Variants in PRKN observed in about 807,000 individuals in gnomAD.
PRKN encodes parkin RBR E3 ubiquitin protein ligase.
A neutral mutation model predicts 59.5 loss-of-function variants in PRKN; 56 were observed. That is an observed-to-expected ratio of 0.94 (90% CI 0.76 to 1.18). The LOEUF is 1.18. Ranked by LOEUF, PRKN falls within the 50% of genes most tolerant of loss-of-function variation. The probability of loss-of-function intolerance (pLI) is 0.00; values close to 1 mark genes in which losing one functional copy is unlikely to be tolerated. For synonymous variants in PRKN, 250 were observed against 222.1 expected, an observed-to-expected ratio of 1.13 and a Z score of -1.12; for missense variants, 657 against 596.4, an observed-to-expected ratio of 1.10 and a Z score of -1.06.
At chr6:162,270,960 G>A (rs1001725011) in intron 2 of PRKN, among the ~76,000 whole-genome samples, 1 of 150,308 alleles carries the variant, frequency 6.7e-6, no homozygotes, top group East Asian at 2.0e-4. Flanking sequence ...TCTTATGGCA[G>A]CCTCCTGAGT....
intron 4 of PRKN, among the ~76,000 whole-genome samples, chr6:162,186,909 T>C (rs990017888): frequency 1.1e-4 from 17 of 152,332 alleles, no homozygotes; most frequent in African/African-American, 3.4e-4. Context: ...ACTCCTTTTC[T>C]TTGAAAATTA....
chr6:161,536,202 A>C (rs1292873494), intron 9 of PRKN, among the ~76,000 whole-genome samples: 4 of 152,178 alleles, frequency 2.6e-5, no homozygotes, highest in African/African-American at 9.7e-5. Context: ...AACTGGCTTA[A>C]ATAGAAAGGA....
At chr6:162,125,186 A>G (rs955165) in intron 4 of PRKN, among the ~76,000 whole-genome samples, 7,234 of 152,260 alleles carry the variant, frequency 0.048, 255 homozygotes, top group Non-Finnish European at 0.073. Context: ...CGCTGCCAAC[A>G]TCGTGTAGCA....
intron 1 of PRKN, among the ~76,000 whole-genome samples, chr6:162,701,053 C>T (rs1160215470): frequency 2.0e-5 from 3 of 152,116 alleles, no homozygotes; most frequent in African/African-American, 7.2e-5. Context: ...TCTGGACTCC[C>T]TCTGAGATCA....
In PRKN at chr6:161,503,254, G is replaced by A. The variant is rs969849102; in HGVS notation, c.1083+45600C>T. Among the ~76,000 whole-genome samples, 3 of 151,980 alleles carry A rather than the reference G, an allele frequency of 2.0e-5. No individual in the cohort carries two copies. The highest frequency in any genetic ancestry group is 2.1e-4 in the South Asian group (1 of 4,814). ...AACGGGAGGGGGCTGCTGCTGTACC[G>A]TAGAGTCTTGATGAATTTATGGCTG... On this transcript the variant is annotated intron_variant, in intron 9 of 11. Coordinates refer to ENST00000366898, the MANE Select transcript of PRKN (RefSeq NM_004562.3). The surrounding 1 kb of genome is among the most constrained non-coding windows in gnomAD (Gnocchi z 5.1).
At chr6:162,202,649 A>G (rs539249955) in intron 3 of PRKN, among the ~76,000 whole-genome samples, 140 of 152,338 alleles carry the variant, frequency 9.2e-4, no homozygotes, top group African/African-American at 3.2e-3. Context: ...CTGTTAGCAA[A>G]CATAATAATG....
In PRKN at chr6:162,628,741, C is replaced by CA. The variant is rs552240714; in HGVS notation, c.7+98920dup. Among the ~76,000 whole-genome samples the CA allele has an allele frequency of 1.8e-3, 280 of 152,198 alleles. 3 individuals carry two copies. Among genetic ancestry groups the CA allele is most frequent in the African/African-American group, 6.6e-3 (273 of 41,554 alleles). On this transcript the variant is annotated intron_variant, in intron 1 of 11. Transcript: ENST00000366898. ...CTGGAATGATTGCATTATTTTCAAG[C>CA]ACTAGCTCAACCATAAGTGTATTCT...
intron 6 of PRKN, among the ~76,000 whole-genome samples, chr6:161,954,363 C>G (rs1430508735): frequency 2.0e-5 from 3 of 152,198 alleles, no homozygotes; most frequent in African/African-American, 7.2e-5. Flanking sequence ...TATGCCACAT[C>G]ACTGATGCCG....
At chr6:162,682,677 A>C (rs1008876044) in intron 1 of PRKN, among the ~76,000 whole-genome samples, 5 of 152,262 alleles carry the variant, frequency 3.3e-5, no homozygotes, top group African/African-American at 1.2e-4. Flanking sequence ...TGGGTCATGA[A>C]ATTATTTGTA....
intron 1 of PRKN, among the ~76,000 whole-genome samples, chr6:162,551,390 A>T (rs1263082894): frequency 6.6e-6 from 1 of 152,260 alleles, no homozygotes; most frequent in Non-Finnish European, 1.5e-5. Context: ...TATCATAAAC[A>T]AATAATGAGA....
intron 4 of PRKN, among the ~76,000 whole-genome samples, chr6:162,127,933 T>C (rs1259804091): frequency 6.6e-6 from 1 of 152,184 alleles, no homozygotes; most frequent in East Asian, 1.9e-4. Context: ...ACTCCTCACC[T>C]CTTCACACTA....
chr6:162,694,678 T>G (rs1777906814), intron 1 of PRKN: 1 of 152,240 alleles, frequency 6.6e-6, no homozygotes. Context: ...TAAGAAAGAA[T>G]CAGTAACTGA....
At chr6:161,973,274 G>C in intron 6 of PRKN, 28 bp downstream of exon 6, 2 of 1,401,882 alleles carry the variant, frequency 1.4e-6, no homozygotes, top group East Asian at 4.6e-5. Flanking sequence ...GTCCGTGGAG[G>C]GAAGTGACAC....
At chr6:162,406,898 CT>C (rs1161049309) in intron 2 of PRKN, among the ~76,000 whole-genome samples, 1 of 152,050 alleles carries the variant, frequency 6.6e-6, no homozygotes, top group East Asian at 1.9e-4. Flanking sequence ...TCTGGTATGG[CT>C]CTAGGAAGCT....
intron 5 of PRKN, among the ~76,000 whole-genome samples, chr6:162,033,623 G>C (rs1369765980): frequency 6.6e-6 from 1 of 152,146 alleles, no homozygotes; most frequent in Non-Finnish European, 1.5e-5. Context: ...TGGAAAGCCA[G>C]GTTCCTGAGT....
chr6:161,720,457 A>G lies in PRKN; in HGVS notation c.871+65315T>C, dbSNP rs576825759. On this transcript the variant is annotated intron_variant, in intron 7 of 11. Transcript: ENST00000366898. ...ACTGCAGGGTCTGCTCTGGAAGCAC[A>G]TCTGGAGGCACCGCAAACTCATCTG... Among the ~76,000 whole-genome samples, 7 of 152,240 alleles carry G rather than the reference A, an allele frequency of 4.6e-5. No individual in the cohort carries two copies. In the South Asian group the frequency reaches 1.4e-3, roughly 32 times the overall value.
chr6:161,873,925 AATATATAAT>A (rs1307063880), intron 6 of PRKN, among the ~76,000 whole-genome samples: 1 of 126,186 alleles, frequency 7.9e-6, no homozygotes, highest in Non-Finnish European at 1.6e-5. Context: ...AAATATATAA[AATATATAAT>A]ATATATAAAA....
rs1472885455 is a variant in PRKN at position 161,581,264 on chromosome 6, G to A, written c.872-11848C>T. ...AATTTTTATTTTAAGAACTTTCATA[G>A]GCATGAGTAAAGCTACTGCAGTGAA... On this transcript the variant is annotated intron_variant, in intron 7 of 11. Coordinates refer to ENST00000366898, the MANE Select transcript of PRKN (RefSeq NM_004562.3). This position sits in a 1 kb window ranked among gnomAD's most constrained non-coding sequence, Gnocchi z 4.5. Among the ~76,000 whole-genome samples, 7 of 151,842 alleles carry A rather than the reference G, an allele frequency of 4.6e-5. No individual in the cohort carries two copies. Among genetic ancestry groups the A allele is most frequent in the African/African-American group, 1.7e-4 (7 of 41,308 alleles).
In PRKN at chr6:161,405,146, T is replaced by C. The variant is rs1043686507; in HGVS notation, c.1084-18269A>G. On this transcript the variant is annotated intron_variant, in intron 9 of 11. Coordinates refer to ENST00000366898, the MANE Select transcript of PRKN (RefSeq NM_004562.3). The surrounding 1 kb of genome is among the most constrained non-coding windows in gnomAD (Gnocchi z 5.1). ...TATCTCACAGGCCTTTACTTTATTA[T>C]GGGCCAGGAACAAATGGCAGTGGGT... is the stretch of plus-strand genomic sequence containing the variant. 2.6e-5 allele frequency among the ~76,000 whole-genome samples: 4 copies of C among 152,224 alleles called. No individual in the cohort carries two copies. Among genetic ancestry groups the C allele is most frequent in the Non-Finnish European group, 4.4e-5 (3 of 68,044 alleles).
Sources: gnomAD v4.1 joint callset for allele counts (sites outside exome capture counted in the v4.1 genomes callset) on GRCh38, gnomAD v4.1.1 for gene constraint, Gnocchi (gnomAD v3.1) non-coding constraint, MANE v1.5 for transcripts, NCBI Gene and HGNC (gene_info 2026-07-23, HGNC 2026-07-21) for gene names.